The following DACH2 variants were observed in gnomAD, a reference collection of about 807,000 sequenced individuals.
DACH2 encodes dachshund family transcription factor 2.
In DACH2, 17 loss-of-function variants were observed where a neutral mutation model predicts 35.8. That is an observed-to-expected ratio of 0.48 (90% CI 0.33 to 0.71). The LOEUF (loss-of-function observed/expected upper bound fraction) is 0.71. DACH2 is among the 30% of genes least tolerant of loss of function. The probability of loss-of-function intolerance (pLI) is 0.02; values close to 1 mark genes in which losing one functional copy is unlikely to be tolerated. For synonymous variants in DACH2, 195 were observed against 177.3 expected (o/e 1.10, Z -0.79); for missense variants, 469 against 472.7 (o/e 0.99, Z 0.07).
chrX:86,626,522 G>A lies in DACH2; in HGVS notation c.641-24514G>A, dbSNP rs1336930300. On this transcript the variant is annotated intron_variant, in intron 3 of 11. Coordinates refer to ENST00000373125, the MANE Select transcript of DACH2 (RefSeq NM_053281.3). ...GCACTGGTGGGGACTCTGTGTGGGG[G>A]ATCCCACCCCCCATTTCCCTTCTGC... Among the ~76,000 whole-genome samples, 3 of 112,695 alleles carry A rather than the reference G, an allele frequency of 2.7e-5. No homozygotes were observed. The East Asian group carries it at 8.5e-4, about 32-fold the overall frequency.
intron 2 of DACH2, among the ~76,000 whole-genome samples, chrX:86,458,677 A>G (rs2148207031): frequency 8.9e-6 from 1 of 112,232 alleles, no homozygotes; most frequent in African/African-American, 3.2e-5. Context: ...AATATGTACC[A>G]AATAATTTAT....
At chrX:86,312,931 G>T (rs979931607) in intron 1 of DACH2, among the ~76,000 whole-genome samples, 1 of 111,574 alleles carries the variant, frequency 9.0e-6, no homozygotes, top group Non-Finnish European at 1.9e-5. Context: ...GGAATGGAGA[G>T]AATTTGTTCA....
intron 1 of DACH2, among the ~76,000 whole-genome samples, chrX:86,316,412 G>A (rs772488772): frequency 9.0e-6 from 1 of 111,460 alleles, no homozygotes; most frequent in Non-Finnish European, 1.9e-5. Flanking sequence ...GTGTTTTACA[G>A]CCTGATCTTC....
intron 1 of DACH2, among the ~76,000 whole-genome samples, chrX:86,302,668 G>A (rs2034596737): frequency 9.1e-6 from 1 of 110,405 alleles, no homozygotes; most frequent in South Asian, 3.8e-4. Context: ...TTTGAAAGTA[G>A]TATACAATAG....
chrX:86,158,093 T>C (rs1454337635), intron 1 of DACH2, among the ~76,000 whole-genome samples: 1 of 111,398 alleles, frequency 9.0e-6, no homozygotes, highest in Non-Finnish European at 1.9e-5. Context: ...ATATTATATA[T>C]GTAGTCAAAG....
At chrX:86,165,780 G>A (rs764985620) in intron 1 of DACH2, among the ~76,000 whole-genome samples, 5 of 110,884 alleles carry the variant, frequency 4.5e-5, no homozygotes, top group Non-Finnish European at 7.6e-5. Flanking sequence ...TATTTTGTGG[G>A]TTGTCTCTTC....
intron 7 of DACH2, among the ~76,000 whole-genome samples, chrX:86,776,780 T>C (rs1182942026): frequency 1.8e-5 from 2 of 110,846 alleles, no homozygotes; most frequent in African/African-American, 6.6e-5. Flanking sequence ...ATGTTCCCCT[T>C]CCTGTGTCCA....
At chrX:86,237,749 G>C (rs2033085724) in intron 1 of DACH2, among the ~76,000 whole-genome samples, 1 of 111,914 alleles carries the variant, frequency 8.9e-6, no homozygotes, top group South Asian at 3.8e-4. Context: ...GGCTGCGGTG[G>C]GGTGGGTAGC....
At chrX:86,399,625 C>T in intron 2 of DACH2, among the ~76,000 whole-genome samples, 1 of 111,222 alleles carries the variant, frequency 9.0e-6, no homozygotes, top group Admixed American at 9.6e-5. Context: ...GATTTTATTT[C>T]TCTTTCACTT....
intron 6 of DACH2, among the ~76,000 whole-genome samples, chrX:86,726,728 G>T (rs1408195647): frequency 8.9e-6 from 1 of 111,980 alleles, no homozygotes; most frequent in Non-Finnish European, 1.9e-5. Flanking sequence ...TAGGCCCAAG[G>T]CCTGTGGTGA....
At chrX:86,599,339 C>A (rs1177391722) in intron 3 of DACH2, among the ~76,000 whole-genome samples, 2 of 110,378 alleles carry the variant, frequency 1.8e-5, no homozygotes, top group Non-Finnish European at 3.8e-5. Context: ...CTCTTTCTTT[C>A]TTTTTCTTTC....
intron 3 of DACH2, among the ~76,000 whole-genome samples, chrX:86,549,132 T>C (rs986659372): frequency 9.0e-6 from 1 of 111,604 alleles, no homozygotes; most frequent in Non-Finnish European, 1.9e-5. Context: ...TGTCAGATAT[T>C]ATATGTCACA....
chrX:86,813,341 A>G, intron 9 of DACH2, 64 bp downstream of exon 9: 2 of 1,016,862 alleles, frequency 2.0e-6, no homozygotes, highest in Non-Finnish European at 1.3e-6. Context: ...ATACTAATGG[A>G]AATATTCTCC....
intron 3 of DACH2, among the ~76,000 whole-genome samples, chrX:86,560,524 C>G (rs1313836657): frequency 9.3e-6 from 1 of 107,359 alleles, no homozygotes; most frequent in Non-Finnish European, 1.9e-5. Context: ...GTAACCAAAA[C>G]AGCATGGTAC....
intron 7 of DACH2, among the ~76,000 whole-genome samples, chrX:86,795,228 T>A (rs1365769535): frequency 1.2e-5 from 1 of 81,812 alleles, no homozygotes; most frequent in Non-Finnish European, 2.5e-5. Context: ...GATGGAAGCA[T>A]GTTCTTTTTT....
intron 1 of DACH2, among the ~76,000 whole-genome samples, chrX:86,229,594 C>A (rs960135921): frequency 5.4e-5 from 6 of 111,866 alleles, no homozygotes; most frequent in African/African-American, 1.9e-4. Flanking sequence ...TCTACCCATC[C>A]ATAAGCATGG....
chrX:86,699,245 G>A (rs1343495160), intron 5 of DACH2, among the ~76,000 whole-genome samples: 1 of 112,138 alleles, frequency 8.9e-6, no homozygotes, highest in Non-Finnish European at 1.9e-5. Context: ...CCCAATAAAT[G>A]CAGAATTTAC....
intron 7 of DACH2, among the ~76,000 whole-genome samples, chrX:86,787,818 A>C (rs771850271): frequency 5.6e-4 from 62 of 111,598 alleles, no homozygotes; most frequent in African/African-American, 1.9e-3. Flanking sequence ...CCTCCTCCAA[A>C]GAAATAATTG....
At chrX:86,479,670 T>C (rs769621403) in intron 2 of DACH2, among the ~76,000 whole-genome samples, 12 of 112,030 alleles carry the variant, frequency 1.1e-4, no homozygotes, top group Non-Finnish European at 2.1e-4. Flanking sequence ...AAATCCTTTT[T>C]GCTTTTGTCT....
Sources: allele counts gnomAD v4.1 joint callset (sites outside exome capture counted in the v4.1 genomes callset), GRCh38; gene constraint gnomAD v4.1.1; transcripts MANE v1.5; gene names NCBI Gene and HGNC (gene_info 2026-07-23, HGNC 2026-07-21).